Variants in DPP6 observed in about 807,000 individuals in gnomAD.
The protein encoded by DPP6 is A-type potassium channel modulatory protein DPP6.
In DPP6, 69 loss-of-function variants were observed where a neutral mutation model predicts 122.6. The observed-to-expected ratio is 0.56, with a 90% CI of 0.46 to 0.69. DPP6 has a LOEUF of 0.69. DPP6 is among the 30% of genes least tolerant of loss of function. DPP6 has a pLI of 0.00. For missense variants in DPP6, 928 were observed against 1,116.9 expected, an observed-to-expected ratio of 0.83 and a Z score of 2.41; for synonymous variants, 418 against 433.1, an observed-to-expected ratio of 0.97 and a Z score of 0.43.
intron 21 of DPP6, among the ~76,000 whole-genome samples, chr7:154,881,448 A>C (rs2150672317): frequency 6.6e-6 from 1 of 152,308 alleles, no homozygotes; most frequent in African/African-American, 2.4e-5. Context: ...GCTGAGGCCC[A>C]CGGTTTGGAG....
intron 7 of DPP6, among the ~76,000 whole-genome samples, chr7:154,723,531 C>T (rs1244787886): frequency 6.6e-6 from 1 of 151,552 alleles, no homozygotes; most frequent in African/African-American, 2.4e-5. Flanking sequence ...ATAAGAACAG[C>T]TGCTGAAATT....
chr7:154,156,693 A>C (rs1455353619), intron 1 of DPP6, among the ~76,000 whole-genome samples: 4 of 152,216 alleles, frequency 2.6e-5, no homozygotes, highest in Non-Finnish European at 4.4e-5. Context: ...AATACCTCTT[A>C]ACAAGTTGAC....
chr7:154,290,105 G>C (rs1490004368), intron 1 of DPP6, among the ~76,000 whole-genome samples: 1 of 152,198 alleles, frequency 6.6e-6, no homozygotes, highest in Non-Finnish European at 1.5e-5. Flanking sequence ...AAGTACAAAT[G>C]AAAGGTAAAA....
rs372693484 is a variant in DPP6 at position 154,431,442 on chromosome 7, C to CTTTCT, written c.244-14709_244-14705dup. Among the ~76,000 whole-genome samples the CTTTCT allele has an allele frequency of 2.0e-3, 244 of 121,796 alleles. 5 individuals carry two copies. Among genetic ancestry groups the CTTTCT allele is most frequent in the South Asian group, 3.4e-3 (12 of 3,518 alleles). 79.9% of individuals were successfully genotyped at this position (121,796 alleles called of 152,430 possible). A position where few individuals can be genotyped will look rare whatever the true frequency, so the allele number is the denominator to read the frequency against. Reference sequence around the variant, plus strand: ...TCATGTCAGGCTCTGTTTTTCTTTCCTTTCTTTTCTTTTCTTTTCTTTTCT... The same window carrying CTTTCT: ...TCATGTCAGGCTCTGTTTTTCTTTCCTTTCTTTTCTTTTCTTTTCTTTTCTTTTCT... On this transcript the variant is annotated intron_variant, in intron 1 of 25. Transcript: ENST00000377770.
At chr7:154,751,565 G>A (rs1375731452) in intron 8 of DPP6, among the ~76,000 whole-genome samples, 3 of 149,370 alleles carry the variant, frequency 2.0e-5, no homozygotes, top group Non-Finnish European at 4.4e-5. Context: ...AGCTGAGATC[G>A]TGCCACTGCA....
intron 1 of DPP6, among the ~76,000 whole-genome samples, chr7:154,337,223 T>A (rs1006977651): frequency 6.6e-6 from 1 of 152,196 alleles, no homozygotes; most frequent in Non-Finnish European, 1.5e-5. Flanking sequence ...GCTGAGGCAC[T>A]GGCCATACTG....
intron 1 of DPP6, among the ~76,000 whole-genome samples, chr7:154,130,007 C>T (rs1454114033): frequency 2.7e-5 from 4 of 149,812 alleles, no homozygotes; most frequent in African/African-American, 7.6e-5. Context: ...GCCTGGGAGG[C>T]GGAGGTTGCA....
At chr7:154,016,256 T>A (rs1476735593) in intron 1 of DPP6, among the ~76,000 whole-genome samples, 1 of 152,200 alleles carries the variant, frequency 6.6e-6, no homozygotes, top group Non-Finnish European at 1.5e-5. Flanking sequence ...AACAAGGAAA[T>A]ACTGACGGAT....
intron 1 of DPP6, among the ~76,000 whole-genome samples, chr7:154,312,995 G>A (rs1807040433): frequency 6.6e-6 from 1 of 152,008 alleles, no homozygotes; most frequent in Non-Finnish European, 1.5e-5. Flanking sequence ...ATTCTTTTTA[G>A]AATATTTGAA....
the DPP6 span, among the ~76,000 whole-genome samples, chr7:153,832,284 A>G: frequency 6.6e-6 from 1 of 152,236 alleles, no homozygotes; most frequent in Non-Finnish European, 1.5e-5. Flanking sequence ...GAAAGCAAGG[A>G]CAAATCCTCT....
At chr7:154,570,106 C>T (rs1831019733) in intron 5 of DPP6, among the ~76,000 whole-genome samples, 1 of 151,818 alleles carries the variant, frequency 6.6e-6, no homozygotes, top group Non-Finnish European at 1.5e-5. Context: ...TGATGGATGC[C>T]TACATGAAAT....
intron 1 of DPP6, among the ~76,000 whole-genome samples, chr7:154,184,146 C>T (rs1798237081): frequency 6.6e-6 from 1 of 151,756 alleles, no homozygotes; most frequent in South Asian, 2.1e-4. Flanking sequence ...AGCCCAGGCA[C>T]AGTGAGGACC....
intron 21 of DPP6, 28 bp from the exon 22 acceptor site, chr7:154,885,605 A>G: frequency 6.4e-7 from 1 of 1,553,360 alleles, no homozygotes; most frequent in Non-Finnish European, 8.7e-7. Context: ...CAGGACTCCT[A>G]ACTGTCTTCT....
intron 1 of DPP6, among the ~76,000 whole-genome samples, chr7:154,309,285 C>G (rs1242363621): frequency 2.0e-5 from 3 of 152,158 alleles, no homozygotes; most frequent in Non-Finnish European, 4.4e-5. Context: ...TGTTGCTTCT[C>G]AGTTTTCTTC....
chr7:153,983,046 G>T (rs1180230869), intron 1 of DPP6, among the ~76,000 whole-genome samples: 2 of 152,224 alleles, frequency 1.3e-5, no homozygotes, highest in Admixed American at 1.3e-4. Flanking sequence ...TGATGAGGCA[G>T]TCTGTCCCTT....
intron 8 of DPP6, among the ~76,000 whole-genome samples, chr7:154,737,203 C>G (rs1331226197): frequency 6.6e-6 from 1 of 152,188 alleles, no homozygotes; most frequent in Admixed American, 6.5e-5. Flanking sequence ...CACAAATAAA[C>G]TTCGAGAGCG....
At chr7:153,933,545 A>G (rs1413501137) in intron 1 of DPP6, among the ~76,000 whole-genome samples, 1 of 152,224 alleles carries the variant, frequency 6.6e-6, no homozygotes, top group East Asian at 1.9e-4. Context: ...CTGGCGTTGC[A>G]CCAGCTGCTG....
chr7:154,060,270 G>A (rs1263864218), intron 1 of DPP6, among the ~76,000 whole-genome samples: 1 of 128,956 alleles, frequency 7.8e-6, no homozygotes, highest in Non-Finnish European at 1.7e-5. Flanking sequence ...CCCCCCGCGA[G>A]GCAGGGACTG....
Position 154,504,351 on chromosome 7 carries a change from C to T in DPP6, c.457+29314C>T, listed in dbSNP as rs550054580. On this transcript the variant is annotated intron_variant, in intron 3 of 25. Coordinates refer to ENST00000377770, the MANE Select transcript of DPP6 (RefSeq NM_130797.4). ...AACTAGGTGTATGATTTCTTGATCA[C>T]CGACCTATTAAATCACTTATTAATA... Among the ~76,000 whole-genome samples, 18 of 152,264 alleles carry T rather than the reference C, an allele frequency of 1.2e-4. No homozygotes were observed. The South Asian group carries it at 3.7e-3, about 32-fold the overall frequency.
Sources: gnomAD v4.1 joint callset for allele counts (sites outside exome capture counted in the v4.1 genomes callset) on GRCh38, gnomAD v4.1.1 for gene constraint, MANE v1.5 for transcripts, NCBI Gene and HGNC (gene_info 2026-07-23, HGNC 2026-07-21) for gene names.